MGLL: variants seen among roughly 807,000 people sequenced by gnomAD.
MGLL encodes monoglyceride lipase.
MGLL carries 7 observed loss-of-function variants against 29.1 expected under a neutral mutation model. That is an observed-to-expected ratio of 0.24 (90% CI 0.14 to 0.45). MGLL has a LOEUF of 0.45. Among genes scored for constraint, MGLL ranks in the 20% least tolerant of loss-of-function variants. The pLI is 0.99. For missense variants in MGLL, 356 were observed against 413.6 expected (o/e 0.86, Z 1.21); for synonymous variants, 148 against 168.3 (o/e 0.88, Z 0.93).
intron 6 of MGLL, among the ~76,000 whole-genome samples, chr3:127,701,356 T>G (rs868031257): frequency 2.0e-5 from 3 of 151,982 alleles, no homozygotes; most frequent in Admixed American, 6.5e-5. Context: ...ATGGCGTGCT[T>G]CCTCTCCCAC....
intron 3 of MGLL, among the ~76,000 whole-genome samples, chr3:127,780,183 C>T (rs2077098549): frequency 6.6e-6 from 1 of 152,236 alleles, no homozygotes; most frequent in African/African-American, 2.4e-5. Context: ...CAAAGTGCCA[C>T]AGCCAGACAA....
chr3:127,697,721 C>T (rs2075398167), intron 6 of MGLL, among the ~76,000 whole-genome samples: 1 of 152,198 alleles, frequency 6.6e-6, no homozygotes, highest in Admixed American at 6.5e-5. Context: ...AGAGTCAGGG[C>T]CGTGTGGACA....
intron 2 of MGLL, among the ~76,000 whole-genome samples, chr3:127,790,107 G>A (rs2077275787): frequency 6.6e-6 from 1 of 152,206 alleles, no homozygotes; most frequent in South Asian, 2.1e-4. Context: ...TGATTCTTTG[G>A]ACTTGAATCC....
chr3:127,821,928 A>C, intron 1 of MGLL, 90 bp from the exon 2 acceptor site: 1 of 1,416,184 alleles, frequency 7.1e-7, no homozygotes, highest in Non-Finnish European at 9.6e-7. Context: ...AGTCAGTAAC[A>C]TTTTTTTAAA....
At chr3:127,751,100 C>T (rs2076549956) in intron 3 of MGLL, among the ~76,000 whole-genome samples, 1 of 152,186 alleles carries the variant, frequency 6.6e-6, no homozygotes, top group African/African-American at 2.4e-5. Flanking sequence ...TGAGACATCC[C>T]TGGGATGGAG....
chr3:127,745,093 G>A (rs1180062990), intron 3 of MGLL, among the ~76,000 whole-genome samples: 1 of 152,200 alleles, frequency 6.6e-6, no homozygotes, highest in East Asian at 1.9e-4. Flanking sequence ...TCTTAGCTGT[G>A]TGACCTTGCA....
At chr3:127,751,152 T>C (rs2076550806) in intron 3 of MGLL, among the ~76,000 whole-genome samples, 1 of 152,062 alleles carries the variant, frequency 6.6e-6, no homozygotes, top group Non-Finnish European at 1.5e-5. Flanking sequence ...TGGTTTTCAT[T>C]ATCTTCTGCC....
At chr3:127,800,458 C>T (rs1321517184) in intron 2 of MGLL, among the ~76,000 whole-genome samples, 1 of 152,176 alleles carries the variant, frequency 6.6e-6, no homozygotes, top group Non-Finnish European at 1.5e-5. Context: ...AGTTGCTGAA[C>T]TACTGTTTCT....
At position 127,811,054 on chromosome 3, in the gene MGLL, G is replaced by A. The variant is rs141447631; in HGVS notation, c.155+10640C>T. ...TCTTCTAGGTGTCACTAACTCCTTC[G>A]GTGATACTTCTGGATTTAGGTGCTC... On this transcript the variant is annotated intron_variant, in intron 2 of 7. Coordinates refer to ENST00000265052, the MANE Select transcript of MGLL (RefSeq NM_007283.7). Among the ~76,000 whole-genome samples, 7 of 149,220 alleles carry A rather than the reference G, an allele frequency of 4.7e-5. 1 individual carries two copies. The highest frequency in any genetic ancestry group is 1.9e-4 in the East Asian group (1 of 5,186).
intron 3 of MGLL, among the ~76,000 whole-genome samples, chr3:127,760,363 C>T (rs1263745616): frequency 2.6e-5 from 4 of 152,252 alleles, no homozygotes; most frequent in African/African-American, 9.6e-5. Flanking sequence ...CACTTGTCAA[C>T]AGGGGACCAA....
chr3:127,803,375 C>T (rs192507753), intron 2 of MGLL, among the ~76,000 whole-genome samples: 1 of 152,330 alleles, frequency 6.6e-6, no homozygotes, highest in East Asian at 1.9e-4. Flanking sequence ...AAGGAACAAG[C>T]AGTGGGGTGG....
intron 3 of MGLL, chr3:127,736,196 T>C: frequency 9.9e-7 from 1 of 1,014,040 alleles, no homozygotes; most frequent in Non-Finnish European, 1.2e-6. Flanking sequence ...TTGTTAAGTA[T>C]CACTTTAAAA....
chr3:127,716,348 G>T (rs3773146), intron 5 of MGLL, among the ~76,000 whole-genome samples: 1 of 152,176 alleles, frequency 6.6e-6, no homozygotes, highest in East Asian at 1.9e-4. Context: ...AGACTCAACC[G>T]CTCTGCAGCA....
chr3:127,747,810 C>T (rs562641793), intron 3 of MGLL, among the ~76,000 whole-genome samples: 6 of 152,182 alleles, frequency 3.9e-5, no homozygotes, highest in African/African-American at 1.4e-4. Context: ...GTGATTGGAG[C>T]GGGCTTCTCC....
intron 3 of MGLL, among the ~76,000 whole-genome samples, chr3:127,732,424 C>T (rs1391440797): frequency 6.6e-6 from 1 of 152,190 alleles, no homozygotes; most frequent in Non-Finnish European, 1.5e-5. Flanking sequence ...AGGGTGTGAA[C>T]TCCAGACTCA....
Position 127,692,141 on chromosome 3 carries a change from T to G in MGLL, c.*57A>C. 8.9e-7 allele frequency: 1 copy of G among 1,126,838 alleles called. No homozygotes were observed. The highest frequency in any genetic ancestry group is 1.3e-6 in the Non-Finnish European group (1 of 782,204). The allele number at this position is 1,126,838 out of a possible 1,614,324, so 69.8% of individuals were successfully genotyped here. A position where few individuals can be genotyped will look rare whatever the true frequency, so the allele number is the denominator to read the frequency against. On this transcript the variant is annotated 3_prime_UTR_variant, in exon 8 of 8. Coordinates refer to ENST00000265052, the MANE Select transcript of MGLL (RefSeq NM_007283.7). Reference sequence around the variant, plus strand: ...GGCAAGCCATATCTGAGAAGCCATCTCTGCCCTTCCCCTGCCTGCATCCCC... The same window carrying G: ...GGCAAGCCATATCTGAGAAGCCATCGCTGCCCTTCCCCTGCCTGCATCCCC...
intron 2 of MGLL, among the ~76,000 whole-genome samples, chr3:127,782,630 C>A (rs1366520385): frequency 6.6e-6 from 1 of 152,168 alleles, no homozygotes. Context: ...CCAAACTATC[C>A]AATTTTCAAG....
At chr3:127,785,817 CT>C (rs2107714748) in intron 2 of MGLL, among the ~76,000 whole-genome samples, 1 of 152,370 alleles carries the variant, frequency 6.6e-6, no homozygotes, top group East Asian at 1.9e-4. Flanking sequence ...CTTGCAGCCA[CT>C]CAGCAGAGAA....
At chr3:127,817,868 A>G (rs1258198634) in intron 2 of MGLL, among the ~76,000 whole-genome samples, 1 of 152,268 alleles carries the variant, frequency 6.6e-6, no homozygotes, top group Non-Finnish European at 1.5e-5. Flanking sequence ...TTCCTAGCTC[A>G]AGAGCCCACA....
Sources: gnomAD v4.1 joint callset for allele counts (sites outside exome capture counted in the v4.1 genomes callset) on GRCh38, gnomAD v4.1.1 for gene constraint, MANE v1.5 for transcripts, NCBI Gene and HGNC (gene_info 2026-07-23, HGNC 2026-07-21) for gene names.